The following FRMD4A variants were observed in gnomAD, a reference collection of about 807,000 sequenced individuals.
The protein encoded by FRMD4A is FERM domain-containing protein 4A.
A neutral mutation model predicts 129.1 loss-of-function variants in FRMD4A; 29 were observed. That is an observed-to-expected ratio of 0.22 (90% CI 0.17 to 0.31). The LOEUF (loss-of-function observed/expected upper bound fraction) is 0.31, where lower values mean the gene tolerates loss of function less well. Among genes scored for constraint, FRMD4A ranks in the 10% least tolerant of loss-of-function variants. FRMD4A has a pLI of 1.00. For synonymous variants in FRMD4A, 634 were observed against 571.6 expected (o/e 1.11, Z -1.56); for missense variants, 1,272 against 1,375.8 (o/e 0.92, Z 1.19).
chr10:14,185,545 C>T (rs565189752), intron 2 of FRMD4A, among the ~76,000 whole-genome samples: 27 of 152,224 alleles, frequency 1.8e-4, no homozygotes, highest in Admixed American at 3.9e-4. Context: ...AAACTTGAAA[C>T]ATAAAGCAAG....
intron 2 of FRMD4A, among the ~76,000 whole-genome samples, chr10:14,020,319 C>T (rs997069627): frequency 6.6e-6 from 1 of 152,160 alleles, no homozygotes; most frequent in Non-Finnish European, 1.5e-5. Flanking sequence ...CTTGCAGAAG[C>T]CTTGCATTCC....
At chr10:14,130,533 G>A (rs894039675) in intron 2 of FRMD4A, among the ~76,000 whole-genome samples, 32 of 152,302 alleles carry the variant, frequency 2.1e-4, no homozygotes, top group African/African-American at 7.5e-4. Flanking sequence ...TTACAGGCAC[G>A]AGCCATCAGA....
chr10:14,133,843 A>G (rs141607137), intron 2 of FRMD4A, among the ~76,000 whole-genome samples: 1 of 152,218 alleles, frequency 6.6e-6, no homozygotes, highest in Non-Finnish European at 1.5e-5. Context: ...CCAACCTCTA[A>G]CTCCACCTCT....
At chr10:13,747,671 G>A (rs975935630) in intron 9 of FRMD4A, 65 bp downstream of exon 9, 4 of 852,384 alleles carry the variant, frequency 4.7e-6, no homozygotes, top group South Asian at 1.3e-5. Context: ...GGTACATTCA[G>A]TTGTCCTGTG....
chr10:14,251,079 G>A (rs567876892), intron 2 of FRMD4A, among the ~76,000 whole-genome samples: 4 of 152,234 alleles, frequency 2.6e-5, no homozygotes, highest in African/African-American at 9.6e-5. Flanking sequence ...AAACTGTGTA[G>A]TAGGCAGCCT....
intron 2 of FRMD4A, among the ~76,000 whole-genome samples, chr10:14,054,475 A>G (rs1834413269): frequency 6.6e-6 from 1 of 152,188 alleles, no homozygotes; most frequent in South Asian, 2.1e-4. Context: ...TCATATGGCT[A>G]AACTTTAGGT....
At chr10:14,169,144 A>C (rs1841346889) in intron 2 of FRMD4A, among the ~76,000 whole-genome samples, 1 of 151,638 alleles carries the variant, frequency 6.6e-6, no homozygotes, top group Non-Finnish European at 1.5e-5. Context: ...CAATGTCTGC[A>C]TCAGCTCCTC....
At chr10:13,876,639 A>G (rs1233850486) in intron 2 of FRMD4A, among the ~76,000 whole-genome samples, 1 of 152,106 alleles carries the variant, frequency 6.6e-6, no homozygotes, top group African/African-American at 2.4e-5. Flanking sequence ...AATTTTGCTT[A>G]TGTTGTGATC....
intron 12 of FRMD4A, among the ~76,000 whole-genome samples, chr10:13,722,794 TAGATCTCCATGCTGGTTAGAC>T (rs1183983848): frequency 3.3e-5 from 5 of 152,234 alleles, no homozygotes; most frequent in East Asian, 1.9e-4. Flanking sequence ...GCTGGTTAGA[TAGATCTCCATGCTGGTTAGAC>T]AGATCTCCAT....
At chr10:13,781,357 C>A (rs1393058033) in intron 6 of FRMD4A, among the ~76,000 whole-genome samples, 8 of 102,500 alleles carry the variant, frequency 7.8e-5, no homozygotes, top group African/African-American at 1.0e-4. Context: ...CACGCTACAA[C>A]ATGGATGAAC....
rs572729645 is a variant in FRMD4A at position 13,786,104 on chromosome 10, C to T, written c.300-3098G>A. On this transcript the variant is annotated intron_variant, in intron 5 of 24. Coordinates refer to ENST00000357447, the MANE Select transcript of FRMD4A (RefSeq NM_018027.5). ...CATACGTGTGCATGTGTCTTTATAG[C>T]AGCATGATTTATAATCCTTCAGGTA... Among the ~76,000 whole-genome samples, 1,364 of 152,264 alleles carry T rather than the reference C, an allele frequency of 9.0e-3. 22 individuals are homozygous for T. Among genetic ancestry groups the T allele is most frequent in the African/African-American group, 0.031 (1,290 of 41,526 alleles).
chr10:13,960,590 C>G (rs541475901), intron 2 of FRMD4A, among the ~76,000 whole-genome samples: 3 of 152,278 alleles, frequency 2.0e-5, no homozygotes, highest in Non-Finnish European at 2.9e-5. Context: ...GAAGGGGAAG[C>G]GATTTGTCCT....
At chr10:13,683,162 C>G (rs372765514) in intron 15 of FRMD4A, among the ~76,000 whole-genome samples, 9 of 151,966 alleles carry the variant, frequency 5.9e-5, no homozygotes, top group Non-Finnish European at 1.2e-4. Context: ...GGGATTACAG[C>G]GCGCCACAAC....
chr10:14,068,785 G>T (rs1374872509), intron 2 of FRMD4A, among the ~76,000 whole-genome samples: 1 of 152,060 alleles, frequency 6.6e-6, no homozygotes, highest in South Asian at 2.1e-4. Flanking sequence ...GTAGTTTCCT[G>T]TTTGTTTGTT....
intron 2 of FRMD4A, among the ~76,000 whole-genome samples, chr10:14,282,704 C>A (rs1173045837): frequency 6.6e-6 from 1 of 152,144 alleles, no homozygotes; most frequent in Non-Finnish European, 1.5e-5. Context: ...GACTCCAGGT[C>A]ATAGCAGACA....
At chr10:13,789,595 G>A (rs3902965) in intron 5 of FRMD4A, among the ~76,000 whole-genome samples, 83,695 of 146,864 alleles carry the variant, frequency 0.57, 24,568 homozygotes, top group Non-Finnish European at 0.66. Context: ...CACACATGAC[G>A]CAGACTTCCT....
chr10:13,650,067 G>A (rs1427868001), intron 24 of FRMD4A, among the ~76,000 whole-genome samples: 1 of 152,210 alleles, frequency 6.6e-6, no homozygotes, highest in Non-Finnish European at 1.5e-5. Flanking sequence ...TCAGAGATGT[G>A]TGGCCTGCAA....
chr10:13,700,701 C>G (rs910196582), intron 14 of FRMD4A, among the ~76,000 whole-genome samples: 10 of 152,034 alleles, frequency 6.6e-5, no homozygotes, highest in Non-Finnish European at 1.5e-4. Context: ...ACGTCATCCT[C>G]TCACCCACCA....
intron 14 of FRMD4A, among the ~76,000 whole-genome samples, chr10:13,700,009 T>C (rs992524739): frequency 1.3e-5 from 2 of 152,140 alleles, no homozygotes; most frequent in Admixed American, 6.5e-5. Context: ...GAGGACAAGA[T>C]ATTTTACAAA....
Sources: gnomAD v4.1 joint callset for allele counts (sites outside exome capture counted in the v4.1 genomes callset) on GRCh38, gnomAD v4.1.1 for gene constraint, MANE v1.5 for transcripts, NCBI Gene and HGNC (gene_info 2026-07-23, HGNC 2026-07-21) for gene names.